Variants in NAA25 observed in about 807,000 individuals in gnomAD.
NAA25 encodes the protein N-terminal acetyltransferase B complex subunit NAA25.
Under a neutral mutation model 132.5 loss-of-function variants are expected in NAA25, and 30 were observed. That is an observed-to-expected ratio of 0.23 (90% CI 0.17 to 0.31). The LOEUF is 0.31. NAA25 is among the 10% of genes least tolerant of loss of function. The pLI is 1.00. For missense variants in NAA25, 771 were observed against 1,150.4 expected (o/e 0.67, Z 4.77); for synonymous variants, 359 against 401.9 (o/e 0.89, Z 1.28).
intron 7 of NAA25, among the ~76,000 whole-genome samples, chr12:112,077,731 T>C (rs975744594): frequency 6.6e-6 from 1 of 152,032 alleles, no homozygotes; most frequent in South Asian, 2.1e-4. Context: ...AGAAGGAATG[T>C]TTGCGGTATC....
At chr12:112,075,039 G>C (rs899664470) in intron 8 of NAA25, among the ~76,000 whole-genome samples, 1 of 152,074 alleles carries the variant, frequency 6.6e-6, no homozygotes, top group Non-Finnish European at 1.5e-5. Context: ...CCCCACATAA[G>C]CACTTCCAAA....
intron 12 of NAA25, 60 bp downstream of exon 12, chr12:112,061,121 C>T (rs2078623373): frequency 6.9e-7 from 1 of 1,454,142 alleles, no homozygotes. Context: ...GCTTAAAAAA[C>T]TGCCTTCTAA....
At chr12:112,063,449 C>G (rs1391493666) in intron 11 of NAA25, among the ~76,000 whole-genome samples, 1 of 152,138 alleles carries the variant, frequency 6.6e-6, no homozygotes, top group Admixed American at 6.5e-5. Context: ...GCAGTCATAG[C>G]TGAAAACAGG....
At chr12:112,054,655 T>C (rs1405912022) in intron 13 of NAA25, 87 bp from the exon 14 acceptor site, 12 of 1,172,154 alleles carry the variant, frequency 1.0e-5, no homozygotes, top group South Asian at 4.7e-5. Flanking sequence ...ATTGACATCA[T>C]CACCCCCCCC....
In NAA25 at chr12:112,054,488, A is replaced by G. The variant is rs1340462269; in HGVS notation, c.1528T>C (p.Leu510=). 1.9e-6 allele frequency: 3 copies of G among 1,614,206 alleles called. No individual in the cohort carries two copies. The East Asian group carries it at 6.7e-5, about 36-fold the overall frequency. Residue 510 remains leucine (L), a synonymous_variant, in exon 14 of 24, where the codon TTG becomes CTG. Transcript: ENST00000261745. ...THSPSNAQFK[L]LLVRIYCMLG... is the part of the protein sequence containing the mutation. ...ATACAGTAGATTCGAACAAGCAGCA[A>G]TTTGAACTGAGCATTGGAAGGGCTA...
At chr12:112,054,250 T>C in intron 14 of NAA25, 138 bp downstream of exon 14, 4 of 737,628 alleles carry the variant, frequency 5.4e-6, no homozygotes, top group Non-Finnish European at 6.4e-6. Flanking sequence ...ATCTTTCTGG[T>C]TTGCAATGGA....
intron 13 of NAA25, among the ~76,000 whole-genome samples, chr12:112,055,662 T>C (rs956421794): frequency 3.3e-5 from 5 of 151,160 alleles, no homozygotes; most frequent in African/African-American, 1.2e-4. Context: ...GCTGTGATCA[T>C]GCCACTGCAC....
At chr12:112,105,837 G>A (rs961231105) in intron 1 of NAA25, among the ~76,000 whole-genome samples, 3 of 152,260 alleles carry the variant, frequency 2.0e-5, no homozygotes. Flanking sequence ...TTAATCTCTA[G>A]GCTTCAGTTT....
chr12:112,062,217 T>C (rs1363949972), intron 11 of NAA25, among the ~76,000 whole-genome samples: 1 of 151,974 alleles, frequency 6.6e-6, no homozygotes, highest in Non-Finnish European at 1.5e-5. Flanking sequence ...GCCAACATGC[T>C]GAAACCCCAT....
chr12:112,027,962 G>A lies in NAA25; in HGVS notation c.*1569C>T, dbSNP rs1484632618. 2.0e-5 allele frequency: 3 copies of A among 152,178 alleles called. No homozygotes were observed. The highest frequency in any genetic ancestry group is 2.9e-5 in the Non-Finnish European group (2 of 68,044). The allele number at this position is 152,178 out of a possible 1,614,324, so 9.4% of individuals were successfully genotyped here. A position where few individuals can be genotyped will look rare whatever the true frequency, so the allele number is the denominator to read the frequency against. On this transcript the variant is annotated 3_prime_UTR_variant, in exon 24 of 24. Coordinates refer to ENST00000261745, the MANE Select transcript of NAA25 (RefSeq NM_024953.4). ...ATTTTTGAAATTAGTTGATGGACTA[G>A]GATTTCCAACAAGCCTTATTTTGAA...
intron 13 of NAA25, among the ~76,000 whole-genome samples, chr12:112,054,880 G>T (rs1160753381): frequency 2.0e-5 from 3 of 152,120 alleles, no homozygotes; most frequent in African/African-American, 7.2e-5. Context: ...GGACTTTGAA[G>T]GAAAACTGGA....
chr12:112,080,265 C>T (rs2078952469), intron 5 of NAA25, among the ~76,000 whole-genome samples: 3 of 121,850 alleles, frequency 2.5e-5, no homozygotes, highest in Middle Eastern at 4.9e-3. Context: ...TGGGTTAGAG[C>T]GAGACTCTGT....
chr12:112,097,354 T>G (rs1463324195), intron 1 of NAA25: 1 of 152,248 alleles, frequency 6.6e-6, no homozygotes, highest in Non-Finnish European at 1.5e-5. Flanking sequence ...ACGGCTGTAA[T>G]CCCAGCACTT....
At chr12:112,032,283 A>G (rs529691328) in intron 23 of NAA25, among the ~76,000 whole-genome samples, 1 of 152,078 alleles carries the variant, frequency 6.6e-6, no homozygotes, top group African/African-American at 2.4e-5. Flanking sequence ...GCTTTTTTTA[A>G]TCAATCTTTG....
chr12:112,067,693 G>T (rs2078740008), intron 11 of NAA25, among the ~76,000 whole-genome samples: 1 of 151,998 alleles, frequency 6.6e-6, no homozygotes, highest in Non-Finnish European at 1.5e-5. Flanking sequence ...TCAAAAAAAA[G>T]AAAAAGAAAA....
intron 2 of NAA25, among the ~76,000 whole-genome samples, chr12:112,092,455 T>C (rs770414239): frequency 1.3e-5 from 2 of 151,982 alleles, no homozygotes; most frequent in African/African-American, 2.4e-5. Context: ...GGAAACCCCA[T>C]CTCTACTAAA....
intron 22 of NAA25, among the ~76,000 whole-genome samples, chr12:112,036,840 CAAAA>C (rs1160066916): frequency 2.1e-5 from 2 of 95,456 alleles, no homozygotes; most frequent in East Asian, 2.7e-4. Flanking sequence ...GACTCCATCT[CAAAA>C]AAAAAAAAAA....
Position 112,076,934 on chromosome 12 carries a change from T to G in NAA25, c.665-1145A>C, listed in dbSNP as rs141840611. 1.4e-3 allele frequency among the ~76,000 whole-genome samples: 209 copies of G among 152,196 alleles called. 1 individual carries two copies. The highest frequency in any genetic ancestry group is 4.9e-3 in the African/African-American group (202 of 41,532). ...TAACTTAAACCCAGGAGATCAAGGC[T>G]GCAGTGAGCTGTGATGATGCCACTG... is the stretch of plus-strand genomic sequence containing the variant. On this transcript the variant is annotated intron_variant, in intron 7 of 23. Coordinates refer to ENST00000261745, the MANE Select transcript of NAA25 (RefSeq NM_024953.4).
chr12:112,108,617 C>A, intron 1 of NAA25, 99 bp downstream of exon 1: 1 of 1,194,492 alleles, frequency 8.4e-7, no homozygotes, highest in Non-Finnish European at 1.0e-6. Context: ...GCCTGCCCGG[C>A]CCGCGCGCCG....
Sources: gnomAD v4.1 joint callset for allele counts (sites outside exome capture counted in the v4.1 genomes callset) on GRCh38, gnomAD v4.1.1 for gene constraint, MANE v1.5 for transcripts, NCBI Gene and HGNC (gene_info 2026-07-23, HGNC 2026-07-21) for gene names.